ANKS1A: variants seen among roughly 807,000 people sequenced by gnomAD.
ANKS1A encodes the protein ankyrin repeat and sterile alpha motif domain containing 1A, also known as ankyrin repeat and SAM domain-containing protein 1A.
A neutral mutation model predicts 120.3 loss-of-function variants in ANKS1A; 55 were observed. The ratio of observed to expected loss-of-function variants is 0.46; its 90% CI spans 0.37 to 0.57. The LOEUF is 0.57. Among genes scored for constraint, ANKS1A ranks in the 20% least tolerant of loss-of-function variants. The probability of loss-of-function intolerance (pLI) is 0.00; values close to 1 mark genes in which losing one functional copy is unlikely to be tolerated. For synonymous variants in ANKS1A, 590 were observed against 604.7 expected (o/e 0.98, Z 0.36); for missense variants, 1,123 against 1,480.3 (o/e 0.76, Z 3.96).
At chr6:34,926,371 G>A (rs962895678) in intron 1 of ANKS1A, among the ~76,000 whole-genome samples, 12 of 152,144 alleles carry the variant, frequency 7.9e-5, no homozygotes, top group Admixed American at 3.9e-4. Flanking sequence ...GGCTTCCCTG[G>A]ACCATTCATG....
chr6:34,908,149 C>G (rs913103857), intron 1 of ANKS1A, among the ~76,000 whole-genome samples: 1 of 152,158 alleles, frequency 6.6e-6, no homozygotes, highest in Non-Finnish European at 1.5e-5. Flanking sequence ...GTAAATAGTG[C>G]TGGAGGAGTT....
intron 11 of ANKS1A, among the ~76,000 whole-genome samples, chr6:35,022,848 G>A (rs575734250): frequency 1.4e-4 from 22 of 152,154 alleles, no homozygotes; most frequent in Admixed American, 7.2e-4. Flanking sequence ...ATAACTGCAC[G>A]TTGTGGATAT....
chr6:35,021,393 A>AC (rs1774333094), intron 11 of ANKS1A, among the ~76,000 whole-genome samples: 1 of 152,156 alleles, frequency 6.6e-6, no homozygotes, highest in Admixed American at 6.5e-5. Flanking sequence ...GAAGTGCAGG[A>AC]CCACAGATGG....
At chr6:35,052,341 C>CT (rs1234406016) in intron 11 of ANKS1A, among the ~76,000 whole-genome samples, 3 of 151,634 alleles carry the variant, frequency 2.0e-5, no homozygotes, top group Non-Finnish European at 4.4e-5. Flanking sequence ...GTCCCAGCTA[C>CT]TAGGGAGGCT....
chr6:35,066,127 TGAC>T (rs1419595580), intron 13 of ANKS1A, among the ~76,000 whole-genome samples: 1 of 152,210 alleles, frequency 6.6e-6, no homozygotes, highest in Non-Finnish European at 1.5e-5. Context: ...GGCCTTCATT[TGAC>T]CTACTTACTT....
intron 2 of ANKS1A, among the ~76,000 whole-genome samples, chr6:34,969,271 TGA>T (rs1452400709): frequency 6.6e-6 from 1 of 152,034 alleles, no homozygotes; most frequent in Non-Finnish European, 1.5e-5. Flanking sequence ...TTATTTATTT[TGA>T]GAGAGAGTCT....
At chr6:35,011,863 C>T (rs1294791856) in intron 10 of ANKS1A, among the ~76,000 whole-genome samples, 1 of 152,172 alleles carries the variant, frequency 6.6e-6, no homozygotes, top group African/African-American at 2.4e-5. Flanking sequence ...CACGGGCCAG[C>T]TGCCATGCTG....
At chr6:34,929,365 C>T (rs1409988450) in intron 1 of ANKS1A, among the ~76,000 whole-genome samples, 1 of 152,130 alleles carries the variant, frequency 6.6e-6, no homozygotes, top group Non-Finnish European at 1.5e-5. Context: ...ATGTATTCCA[C>T]CCATGTTTGA....
At chr6:34,986,400 G>A (rs1030779739) in intron 8 of ANKS1A, among the ~76,000 whole-genome samples, 3 of 152,134 alleles carry the variant, frequency 2.0e-5, no homozygotes, top group East Asian at 1.9e-4. Context: ...CCACTGCCAC[G>A]CACAACAATT....
In ANKS1A at chr6:34,982,032, A is replaced by G; in HGVS notation, c.732+46A>G. The G allele has an allele frequency of 1.3e-6, 2 of 1,599,060 alleles. No homozygotes were observed. Among genetic ancestry groups the G allele is most frequent in the Non-Finnish European group, 1.7e-6 (2 of 1,171,898 alleles). On this transcript the variant is annotated intron_variant, in intron 4 of 23. Coordinates refer to ENST00000360359, the MANE Select transcript of ANKS1A (RefSeq NM_015245.3). The surrounding 1 kb of genome is among the most constrained non-coding windows in gnomAD (Gnocchi z 4.9). ...TCCTCCAATCTCAAGAGACTCAGTC[A>G]TTTTGCAGAAGGCACAAGGACCATG...
chr6:34,972,063 G>A (rs968935408), intron 3 of ANKS1A, among the ~76,000 whole-genome samples: 2 of 152,142 alleles, frequency 1.3e-5, no homozygotes, highest in Non-Finnish European at 2.9e-5. Context: ...CTTCAATGTT[G>A]GAAAGACTGG....
At chr6:35,061,180 G>T (rs1449708345) in intron 13 of ANKS1A, among the ~76,000 whole-genome samples, 1 of 152,210 alleles carries the variant, frequency 6.6e-6, no homozygotes, top group East Asian at 1.9e-4. Context: ...TAGGTCCCTT[G>T]CTCAGGGTCA....
chr6:35,026,250 A>ATT (rs1774619310), intron 11 of ANKS1A, among the ~76,000 whole-genome samples: 1 of 152,208 alleles, frequency 6.6e-6, no homozygotes, highest in Non-Finnish European at 1.5e-5. Flanking sequence ...TTCATTTTAT[A>ATT]TTATTCTAAG....
chr6:35,010,887 A>T (rs938503811), intron 10 of ANKS1A, among the ~76,000 whole-genome samples: 1 of 152,214 alleles, frequency 6.6e-6, no homozygotes, highest in Non-Finnish European at 1.5e-5. Context: ...GTGGGTAAAG[A>T]TGATGGCTTA....
intron 11 of ANKS1A, among the ~76,000 whole-genome samples, chr6:35,036,515 C>T (rs780817773): frequency 1.7e-4 from 26 of 152,210 alleles, no homozygotes; most frequent in Admixed American, 3.9e-4. Flanking sequence ...ACATCTTTGG[C>T]GCAGACTGGG....
chr6:34,933,932 G>C (rs1373834797), intron 1 of ANKS1A, among the ~76,000 whole-genome samples: 1 of 152,192 alleles, frequency 6.6e-6, no homozygotes, highest in Non-Finnish European at 1.5e-5. Context: ...CTGCTGTTCA[G>C]AAATTGTGGA....
chr6:34,975,970 A>G (rs1165852764), intron 3 of ANKS1A, among the ~76,000 whole-genome samples: 1 of 151,522 alleles, frequency 6.6e-6, no homozygotes, highest in Non-Finnish European at 1.5e-5. Flanking sequence ...AAACCCCGTG[A>G]CTACTAAAAA....
intron 13 of ANKS1A, among the ~76,000 whole-genome samples, chr6:35,068,248 T>C (rs764522868): frequency 3.9e-5 from 6 of 152,142 alleles, no homozygotes; most frequent in Non-Finnish European, 7.3e-5. Flanking sequence ...CTCAAAAGAA[T>C]CTTTTAGTGT....
intron 2 of ANKS1A, among the ~76,000 whole-genome samples, chr6:34,967,950 C>T (rs1770982533): frequency 6.6e-6 from 1 of 151,792 alleles, no homozygotes. Context: ...TTTGGGGCAG[C>T]CAGAACATAA....
Sources: allele counts gnomAD v4.1 joint callset (sites outside exome capture counted in the v4.1 genomes callset), GRCh38; gene constraint gnomAD v4.1.1; non-coding constraint Gnocchi (gnomAD v3.1); transcripts MANE v1.5; gene names NCBI Gene and HGNC (gene_info 2026-07-23, HGNC 2026-07-21).